The following DESI2 variants were observed in gnomAD, a reference collection of about 807,000 sequenced individuals.
DESI2 encodes the protein desumoylating isopeptidase 2.
Under a neutral mutation model 24.1 loss-of-function variants are expected in DESI2, and 10 were observed. That is an observed-to-expected ratio of 0.41 (90% CI 0.26 to 0.70). The LOEUF is 0.70. Ranked by LOEUF, DESI2 falls within the 30% of genes least tolerant of loss-of-function variation. The pLI, the probability that DESI2 is intolerant of heterozygous loss-of-function variation, is 0.29. For synonymous variants in DESI2, 71 were observed against 87.7 expected, an observed-to-expected ratio of 0.81 and a Z score of 1.06; for missense variants, 122 against 234.9, an observed-to-expected ratio of 0.52 and a Z score of 3.14.
At chr1:244,673,644 T>C (rs1676318742) in intron 1 of DESI2, among the ~76,000 whole-genome samples, 1 of 152,206 alleles carries the variant, frequency 6.6e-6, no homozygotes. Context: ...AAATGTTTTA[T>C]GGTAGCTAGT....
At chr1:244,688,374 A>G (rs555797179) in intron 2 of DESI2, among the ~76,000 whole-genome samples, 1 of 152,314 alleles carries the variant, frequency 6.6e-6, no homozygotes, top group African/African-American at 2.4e-5. Context: ...CTCAAACTAC[A>G]TCATTGCTTT....
intron 1 of DESI2, among the ~76,000 whole-genome samples, chr1:244,661,625 G>A (rs985221358): frequency 1.3e-5 from 2 of 148,424 alleles, no homozygotes; most frequent in Admixed American, 1.4e-4. Context: ...TGTTCTCCTT[G>A]TTCAATTCCC....
Position 244,706,330 on chromosome 1 carries a change from G to A in DESI2, c.*541G>A, listed in dbSNP as rs1677704836. On this transcript the variant is annotated 3_prime_UTR_variant, in exon 5 of 5. Coordinates refer to ENST00000302550, the MANE Select transcript of DESI2 (RefSeq NM_016076.5). ...GAGAATCAGACTGGCCTGAGGTGAAGGAGCACACAGCCCTGAGGGCTTGGA... is the reference window on the plus strand; with the variant it reads ...GAGAATCAGACTGGCCTGAGGTGAAAGAGCACACAGCCCTGAGGGCTTGGA... The A allele has an allele frequency of 6.3e-6, 1 of 159,070 alleles. No individual in the cohort carries two copies. Among genetic ancestry groups the A allele is most frequent in the Admixed American group, 6.1e-5 (1 of 16,326 alleles). The allele number at this position is 159,070 out of a possible 1,614,324, so 9.9% of individuals were successfully genotyped here.
At chr1:244,674,186 A>G (rs1031851789) in intron 1 of DESI2, among the ~76,000 whole-genome samples, 1 of 151,542 alleles carries the variant, frequency 6.6e-6, no homozygotes, top group Admixed American at 6.6e-5. Context: ...TTTTGTAGAA[A>G]CGGGGTTTCA....
At position 244,707,967 on chromosome 1, in the gene DESI2, A is replaced by G. The variant is rs1023778528; in HGVS notation, c.*2178A>G. ...ATCAGCAGATAAAATTCTGGACGTG[A>G]GATTCCTTATAATCTAATTATACCT... is the stretch of plus-strand genomic sequence containing the variant. On this transcript the variant is annotated 3_prime_UTR_variant, in exon 5 of 5. Transcript: ENST00000302550. The G allele has an allele frequency of 8.5e-5, 13 of 152,248 alleles. No individual in the cohort carries two copies. The highest frequency in any genetic ancestry group is 2.9e-4 in the African/African-American group (12 of 41,470). The allele number at this position is 152,248 out of a possible 1,614,324, so 9.4% of individuals were successfully genotyped here.
chr1:244,659,286 C>T (rs1675756482), intron 1 of DESI2, among the ~76,000 whole-genome samples: 1 of 152,056 alleles, frequency 6.6e-6, no homozygotes, highest in African/African-American at 2.4e-5. Context: ...TAACAAGTTG[C>T]CAAAAACTTA....
chr1:244,702,671 C>T (rs1025808031), intron 4 of DESI2, among the ~76,000 whole-genome samples: 2 of 152,120 alleles, frequency 1.3e-5, no homozygotes, highest in Admixed American at 1.3e-4. Context: ...ATACATAAAC[C>T]AATAGACACG....
At chr1:244,691,289 G>A (rs774981725) in intron 3 of DESI2, among the ~76,000 whole-genome samples, 4 of 152,166 alleles carry the variant, frequency 2.6e-5, no homozygotes, top group African/African-American at 7.2e-5. Context: ...GGGTTTCACC[G>A]TGTTGGCCAG....
At chr1:244,704,814 A>C (rs1334034199) in intron 4 of DESI2, among the ~76,000 whole-genome samples, 6 of 152,302 alleles carry the variant, frequency 3.9e-5, no homozygotes, top group African/African-American at 1.4e-4. Flanking sequence ...GTGCACCACC[A>C]TGCCCGGCTA....
intron 1 of DESI2, among the ~76,000 whole-genome samples, chr1:244,684,794 C>G (rs762203297): frequency 2.0e-5 from 3 of 152,090 alleles, no homozygotes; most frequent in Non-Finnish European, 4.4e-5. Flanking sequence ...AGAATAGATT[C>G]CAGAAGGTGA....
intron 1 of DESI2, among the ~76,000 whole-genome samples, chr1:244,684,665 T>C (rs951802210): frequency 6.6e-6 from 1 of 152,208 alleles, no homozygotes; most frequent in Non-Finnish European, 1.5e-5. Flanking sequence ...GTTTATAATA[T>C]GAATGTACCA....
intron 1 of DESI2, chr1:244,653,727 C>T (rs890607311): frequency 1.1e-5 from 4 of 363,528 alleles, no homozygotes; most frequent in African/African-American, 6.5e-5. Context: ...CCCCGGGACC[C>T]CCGTCCCGAC....
At chr1:244,685,234 C>T (rs144190273) in intron 1 of DESI2, among the ~76,000 whole-genome samples, 152 of 152,008 alleles carry the variant, frequency 1.0e-3, no homozygotes, top group Admixed American at 1.4e-3. Context: ...GTTGTCTTTT[C>T]CCACCTAAAA....
chr1:244,691,747 A>G, intron 3 of DESI2, 132 bp from the exon 4 acceptor site: 1 of 710,560 alleles, frequency 1.4e-6, no homozygotes, highest in Non-Finnish European at 2.2e-6. Context: ...GTCTTGTTAT[A>G]TTAACCCTGA....
intron 4 of DESI2, among the ~76,000 whole-genome samples, chr1:244,699,768 A>G (rs1677368713): frequency 6.6e-6 from 1 of 152,182 alleles, no homozygotes; most frequent in African/African-American, 2.4e-5. Flanking sequence ...CCTGGCACCT[A>G]GGGAATCTCA....
Position 244,708,648 on chromosome 1 carries a change from A to G in DESI2, c.*2859A>G, listed in dbSNP as rs1009837530. 1 of 152,542 alleles carries G rather than the reference A, an allele frequency of 6.6e-6. No homozygotes were observed. Among genetic ancestry groups the G allele is most frequent in the African/African-American group, 2.4e-5 (1 of 41,406 alleles). The allele number at this position is 152,542 out of a possible 1,614,324, so 9.4% of individuals were successfully genotyped here. On this transcript the variant is annotated 3_prime_UTR_variant, in exon 5 of 5. Coordinates refer to ENST00000302550, the MANE Select transcript of DESI2 (RefSeq NM_016076.5). ...AATCTGTGTGTCTCCTTATGACTCCATTTCTGTAAGCTACTCTGTAACTTT... is the reference window on the plus strand; with the variant it reads ...AATCTGTGTGTCTCCTTATGACTCCGTTTCTGTAAGCTACTCTGTAACTTT...
rs554315585 is a variant in DESI2, at chr1:244,705,472, C to T, written c.352-84C>T. On this transcript the variant is annotated intron_variant, in intron 4 of 4. Coordinates refer to ENST00000302550, the MANE Select transcript of DESI2 (RefSeq NM_016076.5). Reference sequence around the variant, plus strand: ...CCGTGGCTTCTCTGTACGCCGCCCCCCTCCTCCCACCCTCCACTCCCTGGC... The same window carrying T: ...CCGTGGCTTCTCTGTACGCCGCCCCTCTCCTCCCACCCTCCACTCCCTGGC... 4.7e-4 allele frequency: 567 copies of T among 1,200,162 alleles called. 3 individuals are homozygous for T. The African/African-American group carries it at 7.4e-3, about 16-fold the overall frequency. The allele number at this position is 1,200,162 out of a possible 1,614,324, so 74.3% of individuals were successfully genotyped here. A position where few individuals can be genotyped will look rare whatever the true frequency, so the allele number is the denominator to read the frequency against.
chr1:244,665,130 C>T (rs1675997760), intron 1 of DESI2, among the ~76,000 whole-genome samples: 2 of 151,454 alleles, frequency 1.3e-5, no homozygotes, highest in Admixed American at 6.6e-5. Flanking sequence ...GTTTTGATAT[C>T]AGTTTTGATA....
At chr1:244,681,097 C>T (rs1338578342) in intron 1 of DESI2, among the ~76,000 whole-genome samples, 1 of 152,038 alleles carries the variant, frequency 6.6e-6, no homozygotes, top group Non-Finnish European at 1.5e-5. Flanking sequence ...TCTCTATAAT[C>T]TTGACATGTG....
Sources: gnomAD v4.1 joint callset for allele counts (sites outside exome capture counted in the v4.1 genomes callset) on GRCh38, gnomAD v4.1.1 for gene constraint, MANE v1.5 for transcripts, NCBI Gene and HGNC (gene_info 2026-07-23, HGNC 2026-07-21) for gene names.